The following PRKAR2B variants were observed in gnomAD, a reference collection of about 807,000 sequenced individuals.
PRKAR2B encodes the protein cAMP-dependent protein kinase type II-beta regulatory subunit.
PRKAR2B carries 14 observed loss-of-function variants against 49.9 expected under a neutral mutation model. The ratio of observed to expected loss-of-function variants is 0.28; its 90% CI spans 0.19 to 0.44. The LOEUF is 0.44. PRKAR2B is among the 20% of genes least tolerant of loss of function. PRKAR2B has a pLI of 1.00. For missense variants in PRKAR2B, 393 were observed against 537.9 expected (o/e 0.73, Z 2.67); for synonymous variants, 196 against 197.7 (o/e 0.99, Z 0.07).
chr7:107,156,249 C>A (rs990919745), intron 8 of PRKAR2B, among the ~76,000 whole-genome samples: 1 of 151,954 alleles, frequency 6.6e-6, no homozygotes, highest in African/African-American at 2.4e-5. Flanking sequence ...CCACATGTAT[C>A]CCTGATTTAA....
At chr7:107,115,768 C>T (rs916027338) in intron 2 of PRKAR2B, among the ~76,000 whole-genome samples, 2 of 152,052 alleles carry the variant, frequency 1.3e-5, no homozygotes, top group African/African-American at 4.8e-5. Context: ...GTTTTCTTGC[C>T]TTCTGAGGTT....
chr7:107,146,556 A>G, intron 6 of PRKAR2B, 95 bp downstream of exon 6: 2 of 1,306,814 alleles, frequency 1.5e-6, no homozygotes, highest in Non-Finnish European at 2.1e-6. Flanking sequence ...TAATTTAAAG[A>G]TCATCAGTCA....
At chr7:107,153,986 G>A (rs1271782682) in intron 8 of PRKAR2B, among the ~76,000 whole-genome samples, 1 of 152,150 alleles carries the variant, frequency 6.6e-6, no homozygotes, top group African/African-American at 2.4e-5. Flanking sequence ...TGGGAAACAA[G>A]ATTCAAGGTC....
intron 1 of PRKAR2B, among the ~76,000 whole-genome samples, chr7:107,058,744 G>A (rs1793963718): frequency 6.6e-6 from 1 of 152,098 alleles, no homozygotes; most frequent in African/African-American, 2.4e-5. Flanking sequence ...AATATTTTAT[G>A]AAAAATATTT....
chr7:107,050,696 C>T (rs1793783987), intron 1 of PRKAR2B, among the ~76,000 whole-genome samples: 1 of 152,132 alleles, frequency 6.6e-6, no homozygotes. Flanking sequence ...AAGTGACTAA[C>T]TGCAGGGTCT....
chr7:107,140,790 TAAG>T, intron 4 of PRKAR2B, 54 bp from the exon 5 acceptor site: 1 of 1,301,582 alleles, frequency 7.7e-7, no homozygotes, highest in Non-Finnish European at 1.1e-6. Flanking sequence ...TGTGGTTACT[TAAG>T]AAAACATGTT....
intron 2 of PRKAR2B, among the ~76,000 whole-genome samples, chr7:107,072,091 T>TA (rs1419251336): frequency 6.8e-6 from 1 of 147,694 alleles, no homozygotes; most frequent in East Asian, 2.0e-4. Context: ...TAATAAAAAA[T>TA]AAAAATAAAA....
At chr7:107,113,622 T>C (rs534756536) in intron 2 of PRKAR2B, among the ~76,000 whole-genome samples, 1 of 152,192 alleles carries the variant, frequency 6.6e-6, no homozygotes, top group Non-Finnish European at 1.5e-5. Flanking sequence ...AAATGGATAG[T>C]TTCCCAAACA....
At chr7:107,136,948 C>T (rs1382134944) in intron 4 of PRKAR2B, among the ~76,000 whole-genome samples, 2 of 152,096 alleles carry the variant, frequency 1.3e-5, no homozygotes, top group African/African-American at 4.8e-5. Flanking sequence ...TAAACTGGTA[C>T]ATCTAGACAG....
chr7:107,045,616 A>G (rs912664828), intron 1 of PRKAR2B, among the ~76,000 whole-genome samples: 2 of 152,144 alleles, frequency 1.3e-5, no homozygotes, highest in African/African-American at 4.8e-5. Flanking sequence ...CAGCCCTTGT[A>G]TTTATTAATG....
chr7:107,150,580 AAAG>A (rs1795965043), intron 6 of PRKAR2B, among the ~76,000 whole-genome samples: 1 of 42,834 alleles, frequency 2.3e-5, no homozygotes. Flanking sequence ...TAACAGAGTA[AAAG>A]AACAGAGTGC....
intron 2 of PRKAR2B, among the ~76,000 whole-genome samples, chr7:107,110,094 A>G (rs1213799021): frequency 6.6e-6 from 1 of 152,186 alleles, no homozygotes; most frequent in Non-Finnish European, 1.5e-5. Context: ...GAGATAATCC[A>G]TGTGCTTGGG....
intron 1 of PRKAR2B, among the ~76,000 whole-genome samples, chr7:107,056,340 G>C (rs1319015769): frequency 2.0e-5 from 3 of 152,040 alleles, no homozygotes; most frequent in Non-Finnish European, 4.4e-5. Context: ...TAGTTGTTTC[G>C]AATTCTGTGA....
chr7:107,144,339 G>A (rs923737525), intron 5 of PRKAR2B, among the ~76,000 whole-genome samples: 5 of 151,916 alleles, frequency 3.3e-5, no homozygotes, highest in Admixed American at 2.0e-4. Flanking sequence ...GCCCACCTTG[G>A]CCTCCTAAAG....
At chr7:107,102,323 A>G (rs756116515) in intron 2 of PRKAR2B, among the ~76,000 whole-genome samples, 8 of 152,258 alleles carry the variant, frequency 5.3e-5, no homozygotes, top group Non-Finnish European at 1.0e-4. Flanking sequence ...AAGTTACCTT[A>G]TATGGTTCTG....
chr7:107,127,939 C>G (rs191141708), intron 3 of PRKAR2B, among the ~76,000 whole-genome samples: 1 of 152,258 alleles, frequency 6.6e-6, no homozygotes, highest in Non-Finnish European at 1.5e-5. Context: ...ACTTGCTAAC[C>G]TAGGGGAAAA....
intron 4 of PRKAR2B, among the ~76,000 whole-genome samples, chr7:107,139,063 C>T (rs1795748508): frequency 6.6e-6 from 1 of 152,098 alleles, no homozygotes; most frequent in African/African-American, 2.4e-5. Flanking sequence ...TTGCTCTTTT[C>T]CTAACATCCT....
intron 3 of PRKAR2B, among the ~76,000 whole-genome samples, chr7:107,126,420 C>CAAAAAAAAAAAAAAAAAAAAAAAAAAAA (rs35682952): frequency 1.6e-4 from 6 of 38,392 alleles, no homozygotes; most frequent in Non-Finnish European, 2.6e-4. Context: ...GAATCTGTCT[C>CAAAAAAAAAAAAAAAAAAAAAAAAAAAA]AAAAAAAAAA....
intron 3 of PRKAR2B, among the ~76,000 whole-genome samples, chr7:107,124,144 T>C (rs983798711): frequency 1.3e-5 from 2 of 152,210 alleles, no homozygotes; most frequent in Non-Finnish European, 2.9e-5. Context: ...TCGTCTGATA[T>C]GAATTCAAAG....
Sources: allele counts gnomAD v4.1 joint callset (sites outside exome capture counted in the v4.1 genomes callset), GRCh38; gene constraint gnomAD v4.1.1; transcripts MANE v1.5; gene names NCBI Gene and HGNC (gene_info 2026-07-23, HGNC 2026-07-21).